WDR59: variants seen among roughly 807,000 people sequenced by gnomAD.
WDR59 encodes WD repeat domain 59.
A neutral mutation model predicts 131.2 loss-of-function variants in WDR59; 100 were observed. The observed-to-expected ratio is 0.76, with a 90% CI of 0.65 to 0.90. The LOEUF is 0.90. WDR59 is among the 40% of genes least tolerant of loss of function. The probability of loss-of-function intolerance (pLI) is 0.00; values close to 1 mark genes in which losing one functional copy is unlikely to be tolerated. For synonymous variants in WDR59, 601 were observed against 466.2 expected (o/e 1.29, Z -3.72); for missense variants, 1,203 against 1,262.2 (o/e 0.95, Z 0.71).
chr16:74,943,331 A>G (rs1339106233), intron 6 of WDR59, among the ~76,000 whole-genome samples: 1 of 151,716 alleles, frequency 6.6e-6, no homozygotes, highest in Non-Finnish European at 1.5e-5. Flanking sequence ...ATGTTGACCA[A>G]TTCTGTCCTA....
chr16:74,950,683 G>T (rs2032938653), intron 4 of WDR59, among the ~76,000 whole-genome samples: 1 of 151,880 alleles, frequency 6.6e-6, no homozygotes, highest in Admixed American at 6.6e-5. Context: ...AAACCAACTG[G>T]AAGCCTCGAC....
intron 1 of WDR59, among the ~76,000 whole-genome samples, chr16:74,974,799 A>G (rs967183429): frequency 1.3e-5 from 2 of 152,164 alleles, no homozygotes; most frequent in Non-Finnish European, 2.9e-5. Flanking sequence ...TTGGTACACA[A>G]TGTCTCTCAC....
chr16:74,965,415 A>G (rs2033731410), intron 2 of WDR59, among the ~76,000 whole-genome samples: 1 of 152,170 alleles, frequency 6.6e-6, no homozygotes. Flanking sequence ...GGCACCGTCA[A>G]ACTGGAACTC....
At position 74,904,035 on chromosome 16, in the gene WDR59, G is replaced by A. The variant is rs1425011912; in HGVS notation, c.1778C>T (p.Ala593Val). ...ACTGTATAAACGAAGGTTCCCAGGG[G>A]CCTCTGTGCGGATCTTCATGGGCGC... ...LIAPMKIRTE[A>V]PGNLRLYSGS... The change falls in exon 18 of 26, where the codon GCC becomes GTC. Residue 593 changes from alanine (A) to valine (V), a missense_variant. Ala to Val is a moderately conservative substitution (Grantham distance 64). Transcript: ENST00000262144. The A allele has an allele frequency of 1.9e-6, 3 of 1,613,080 alleles. No individual in the cohort carries two copies. The highest frequency in any genetic ancestry group is 1.7e-5 in the Admixed American group (1 of 59,936).
At chr16:74,960,188 G>A (rs1297820773) in intron 2 of WDR59, among the ~76,000 whole-genome samples, 2 of 151,962 alleles carry the variant, frequency 1.3e-5, no homozygotes, top group South Asian at 4.1e-4. Context: ...AAAGTTAGCT[G>A]GGCATGGCAG....
intron 6 of WDR59, among the ~76,000 whole-genome samples, chr16:74,945,619 A>C (rs1296600182): frequency 6.6e-6 from 1 of 152,100 alleles, no homozygotes; most frequent in Non-Finnish European, 1.5e-5. Context: ...AAGTACCTAA[A>C]GCAGGTGGTG....
chr16:74,959,628 T>C, intron 2 of WDR59: 1 of 420,866 alleles, frequency 2.4e-6, no homozygotes, highest in South Asian at 1.8e-5. Context: ...TAAAATAAAA[T>C]AAAATTAGCC....
intron 18 of WDR59, among the ~76,000 whole-genome samples, chr16:74,902,765 C>A (rs1331824659): frequency 6.6e-6 from 1 of 152,008 alleles, no homozygotes; most frequent in African/African-American, 2.4e-5. Flanking sequence ...TCTCCAGTTA[C>A]CTGCAAACAT....
Position 74,981,631 on chromosome 16 carries a change from TA to T in WDR59, c.54+3332del, listed in dbSNP as rs1567450544. Among the ~76,000 whole-genome samples, 21 of 5,802 alleles carry T rather than the reference TA, an allele frequency of 3.6e-3. 2 individuals are homozygous for T. In the East Asian group the frequency reaches 0.12, roughly 33 times the overall value. The allele number at this position is 5,802 out of a possible 152,430, so 3.8% of individuals were successfully genotyped here. A position where few individuals can be genotyped will look rare whatever the true frequency, so the allele number is the denominator to read the frequency against. On this transcript the variant is annotated intron_variant, in intron 1 of 25. Coordinates refer to ENST00000262144, the MANE Select transcript of WDR59 (RefSeq NM_030581.4). ...ACATTTACATATATATATATATATA[TA>T]TATATATATATATATATATATATAT...
At chr16:74,961,391 G>A (rs1170431092) in intron 2 of WDR59, among the ~76,000 whole-genome samples, 1 of 152,128 alleles carries the variant, frequency 6.6e-6, no homozygotes, top group Non-Finnish European at 1.5e-5. Context: ...CACAATGGTT[G>A]AACTAATTTA....
At chr16:74,981,985 G>GT in intron 1 of WDR59, among the ~76,000 whole-genome samples, 1 of 131,794 alleles carries the variant, frequency 7.6e-6, no homozygotes, top group Non-Finnish European at 1.6e-5. Context: ...GCCAGGCACG[G>GT]TGGCTCACGC....
intron 8 of WDR59, among the ~76,000 whole-genome samples, chr16:74,924,291 C>G (rs985440952): frequency 6.6e-6 from 1 of 152,222 alleles, no homozygotes; most frequent in Non-Finnish European, 1.5e-5. Context: ...GCTGAAAATT[C>G]AGAGTGACGT....
chr16:74,954,989 T>G (rs1302185392), intron 3 of WDR59, among the ~76,000 whole-genome samples: 1 of 152,186 alleles, frequency 6.6e-6, no homozygotes, highest in Admixed American at 6.5e-5. Flanking sequence ...AACTGCTTAA[T>G]GAATAAAGGG....
intron 1 of WDR59, among the ~76,000 whole-genome samples, chr16:74,975,304 T>C (rs2034138360): frequency 6.6e-6 from 1 of 151,950 alleles, no homozygotes; most frequent in African/African-American, 2.4e-5. Flanking sequence ...GAGAATGCAG[T>C]GAGCCTATAT....
chr16:74,909,497 C>A lies in WDR59; in HGVS notation c.1642+4G>T. The stretch of plus-strand genomic sequence containing the variant: ...TCTAGAATCAAAGAACCAAAGAGAC[C>A]CACCTGCTCCGCAGAACCTGGCCCC... On this transcript the variant is annotated splice_donor_region_variant and intron_variant, in intron 16 of 25. Coordinates refer to ENST00000262144, the MANE Select transcript of WDR59 (RefSeq NM_030581.4). The A allele has an allele frequency of 1.3e-6, 2 of 1,547,288 alleles. No individual in the cohort carries two copies. The highest frequency in any genetic ancestry group is 1.7e-6 in the Non-Finnish European group (2 of 1,150,368).
At chr16:74,942,653 G>T in intron 7 of WDR59, 85 bp downstream of exon 7, 1 of 1,373,640 alleles carries the variant, frequency 7.3e-7, no homozygotes, top group Non-Finnish European at 1.0e-6. Context: ...AGACTCTCAA[G>T]CCAAGTCCTG....
intron 8 of WDR59, 72 bp downstream of exon 8, chr16:74,938,078 C>T (rs1249478956): frequency 9.1e-7 from 1 of 1,096,868 alleles, no homozygotes; most frequent in African/African-American, 1.6e-5. Context: ...AGCTTTCCAA[C>T]CAAGGTGGAA....
Position 74,887,707 on chromosome 16 carries a change from G to A in WDR59, c.2395C>T (p.Leu799Phe), listed in dbSNP as rs758454602. Residue 799 changes from leucine (L) to phenylalanine (F), a missense_variant, in exon 23 of 26, where the codon CTC becomes TTC. Coordinates refer to ENST00000262144, the MANE Select transcript of WDR59 (RefSeq NM_030581.4). The part of the protein sequence containing the change: ...GSCSSMSDPG[L>F]NTGGWNIAGR... ...CCTATGTTCCAGCCGCCAGTGTTGAGCCCTGGGTCTGACATACTGGAGCAG... is the reference window on the plus strand; with the variant it reads ...CCTATGTTCCAGCCGCCAGTGTTGAACCCTGGGTCTGACATACTGGAGCAG... The A allele has an allele frequency of 1.5e-5, 25 of 1,614,042 alleles. No individual in the cohort carries two copies. In the South Asian group the frequency reaches 1.9e-4, roughly 12 times the overall value.
intron 19 of WDR59, 40 bp downstream of exon 19, chr16:74,893,639 C>G (rs1362125096): frequency 1.3e-6 from 2 of 1,554,916 alleles, no homozygotes; most frequent in Non-Finnish European, 1.7e-6. Context: ...CTAATCCTGG[C>G]TAAATGATGA....
Sources: gnomAD v4.1 joint callset for allele counts (sites outside exome capture counted in the v4.1 genomes callset) on GRCh38, gnomAD v4.1.1 for gene constraint, MANE v1.5 for transcripts, NCBI Gene and HGNC (gene_info 2026-07-23, HGNC 2026-07-21) for gene names.